The following CDK19 variants were observed in gnomAD, a reference collection of about 807,000 sequenced individuals.
CDK19 encodes the protein cyclin-dependent kinase 19.
In CDK19, 20 loss-of-function variants were observed where a neutral mutation model predicts 68.3. The ratio of observed to expected loss-of-function variants is 0.29; its 90% CI spans 0.21 to 0.43. The LOEUF is 0.43. Among genes scored for constraint, CDK19 ranks in the 20% least tolerant of loss-of-function variants. The pLI, the probability that CDK19 is intolerant of heterozygous loss-of-function variation, is 1.00. For synonymous variants in CDK19, 221 were observed against 222.8 expected (o/e 0.99, Z 0.07); for missense variants, 339 against 623.5 (o/e 0.54, Z 4.86).
At chr6:110,625,554 T>G (rs879821063) in intron 8 of CDK19, among the ~76,000 whole-genome samples, 4 of 152,116 alleles carry the variant, frequency 2.6e-5, no homozygotes, top group African/African-American at 4.8e-5. Context: ...GTTTGAAGAA[T>G]TTATAGAACA....
At chr6:110,705,046 T>TG (rs1227675578) in intron 2 of CDK19, among the ~76,000 whole-genome samples, 2 of 151,396 alleles carry the variant, frequency 1.3e-5, no homozygotes, top group Non-Finnish European at 3.0e-5. Flanking sequence ...AATGTAGTTT[T>TG]TTTTTTTTTT....
At chr6:110,687,084 G>A (rs1772553388) in intron 2 of CDK19, among the ~76,000 whole-genome samples, 1 of 152,056 alleles carries the variant, frequency 6.6e-6, no homozygotes, top group African/African-American at 2.4e-5. Context: ...TGCATTTTCT[G>A]CTTTTACTAA....
At chr6:110,779,889 A>T (rs1383217399) in intron 1 of CDK19, among the ~76,000 whole-genome samples, 1 of 152,066 alleles carries the variant, frequency 6.6e-6, no homozygotes, top group Non-Finnish European at 1.5e-5. Flanking sequence ...GTTTGAGACC[A>T]GCCTGGCCAA....
At chr6:110,811,797 C>T (rs1407345121) in intron 1 of CDK19, among the ~76,000 whole-genome samples, 1 of 151,640 alleles carries the variant, frequency 6.6e-6, no homozygotes, top group African/African-American at 2.4e-5. Flanking sequence ...TTTGGGAAGC[C>T]AGGAGTTCAA....
At chr6:110,751,420 G>A (rs1778464975) in intron 1 of CDK19, among the ~76,000 whole-genome samples, 1 of 151,836 alleles carries the variant, frequency 6.6e-6, no homozygotes, top group African/African-American at 2.4e-5. Context: ...AGAATCTAAT[G>A]CCTGATGTTC....
chr6:110,634,333 C>A (rs1779624072), intron 5 of CDK19, among the ~76,000 whole-genome samples: 1 of 152,184 alleles, frequency 6.6e-6, no homozygotes, highest in Admixed American at 6.5e-5. Context: ...TCTCCTGCCT[C>A]AGCCTCTAGA....
At chr6:110,666,457 A>G (rs34630868) in intron 4 of CDK19, among the ~76,000 whole-genome samples, 3 of 145,844 alleles carry the variant, frequency 2.1e-5, no homozygotes, top group South Asian at 2.2e-4. Context: ...AAAAAAAATT[A>G]TAAGGAGAAA....
At chr6:110,727,306 C>G (rs1582961565) in intron 2 of CDK19, among the ~76,000 whole-genome samples, 1 of 152,126 alleles carries the variant, frequency 6.6e-6, no homozygotes, top group South Asian at 2.1e-4. Flanking sequence ...GCTTTTCCCT[C>G]CCTCCCACAC....
intron 1 of CDK19, among the ~76,000 whole-genome samples, chr6:110,757,362 C>A (rs1186892576): frequency 1.3e-5 from 2 of 152,074 alleles, no homozygotes; most frequent in Non-Finnish European, 2.9e-5. Flanking sequence ...GACTCCCCTC[C>A]CCTTAGAAAA....
chr6:110,799,481 A>T (rs1782196479), intron 1 of CDK19, among the ~76,000 whole-genome samples: 1 of 152,314 alleles, frequency 6.6e-6, no homozygotes, highest in Admixed American at 6.5e-5. Flanking sequence ...ACCTATATGT[A>T]TCCTCTCGTA....
At chr6:110,646,191 C>T in intron 4 of CDK19, 1 of 1,303,200 alleles carries the variant, frequency 7.7e-7, no homozygotes, top group Non-Finnish European at 1.0e-6. Context: ...CCTGTTCCTC[C>T]GCATCCTCAG....
At chr6:110,757,129 GCAGAGAGAAAAGGACC>G (rs1157702357) in intron 1 of CDK19, among the ~76,000 whole-genome samples, 1 of 152,104 alleles carries the variant, frequency 6.6e-6, no homozygotes, top group Non-Finnish European at 1.5e-5. Flanking sequence ...CCACACACGG[GCAGAGAGAAAAGGACC>G]CATGGGCTTC....
At chr6:110,627,417 T>TA (rs2114672082) in intron 6 of CDK19, among the ~76,000 whole-genome samples, 1 of 152,254 alleles carries the variant, frequency 6.6e-6, no homozygotes, top group South Asian at 2.1e-4. Context: ...AGCCAAGTAA[T>TA]AAAAAACATT....
At chr6:110,739,397 G>A (rs1052053760) in intron 2 of CDK19, among the ~76,000 whole-genome samples, 1 of 152,088 alleles carries the variant, frequency 6.6e-6, no homozygotes, top group Non-Finnish European at 1.5e-5. Flanking sequence ...CACTGAATGG[G>A]CCTTGATCCT....
At chr6:110,758,718 C>T (rs1778993431) in intron 1 of CDK19, among the ~76,000 whole-genome samples, 1 of 152,072 alleles carries the variant, frequency 6.6e-6, no homozygotes, top group Non-Finnish European at 1.5e-5. Flanking sequence ...GATCAAACAT[C>T]AGTATTTTTA....
chr6:110,813,412 C>T (rs1476705185), intron 1 of CDK19: 1 of 152,124 alleles, frequency 6.6e-6, no homozygotes, highest in East Asian at 1.9e-4. Flanking sequence ...GATTTATTAA[C>T]AATGTCCAAA....
At chr6:110,733,524 C>A (rs1012301845) in intron 2 of CDK19, among the ~76,000 whole-genome samples, 2 of 152,140 alleles carry the variant, frequency 1.3e-5, no homozygotes, top group African/African-American at 2.4e-5. Flanking sequence ...TCAGAAACTG[C>A]AAACTTTTTG....
At chr6:110,618,562 T>C (rs1778497789) in intron 12 of CDK19, among the ~76,000 whole-genome samples, 1 of 152,240 alleles carries the variant, frequency 6.6e-6, no homozygotes, top group African/African-American at 2.4e-5. Context: ...GTTAGGAGCC[T>C]GGACACAGGG....
intron 1 of CDK19, among the ~76,000 whole-genome samples, chr6:110,787,901 G>A (rs1390343121): frequency 5.3e-5 from 8 of 152,136 alleles, no homozygotes; most frequent in Non-Finnish European, 1.2e-4. Context: ...GTGCAGTGGC[G>A]TGATTTCGGC....
Sources: allele counts gnomAD v4.1 joint callset (sites outside exome capture counted in the v4.1 genomes callset), GRCh38; gene constraint gnomAD v4.1.1; transcripts MANE v1.5; gene names NCBI Gene and HGNC (gene_info 2026-07-23, HGNC 2026-07-21).